The following SUGCT variants were observed in gnomAD, a reference collection of about 807,000 sequenced individuals.
The protein encoded by SUGCT is succinyl-CoA:glutarate-CoA transferase.
A neutral mutation model predicts 55.0 loss-of-function variants in SUGCT; 41 were observed. The ratio of observed to expected loss-of-function variants is 0.74; its 90% CI spans 0.58 to 0.97. The LOEUF (loss-of-function observed/expected upper bound fraction) is 0.97, where lower values mean the gene tolerates loss of function less well. Ranked by LOEUF, SUGCT falls within the 50% of genes least tolerant of loss-of-function variation. The probability of loss-of-function intolerance (pLI) is 0.00; values close to 1 mark genes in which losing one functional copy is unlikely to be tolerated. For missense variants in SUGCT, 568 were observed against 547.8 expected (o/e 1.04, Z -0.37); for synonymous variants, 187 against 200.4 (o/e 0.93, Z 0.56).
intron 1 of SUGCT, among the ~76,000 whole-genome samples, chr7:40,137,713 C>T (rs900572719): frequency 6.6e-6 from 1 of 152,076 alleles, no homozygotes; most frequent in African/African-American, 2.4e-5. Context: ...ACATGTCTTG[C>T]TCTTTCATCC....
chr7:40,702,930 T>C (rs1440924279), intron 12 of SUGCT, among the ~76,000 whole-genome samples: 1 of 152,210 alleles, frequency 6.6e-6, no homozygotes, highest in Admixed American at 6.5e-5. Context: ...TCTGTTTTTA[T>C]ATGTGACAGA....
chr7:40,159,494 C>T (rs1034080210), intron 1 of SUGCT, among the ~76,000 whole-genome samples: 1 of 152,056 alleles, frequency 6.6e-6, no homozygotes, highest in Non-Finnish European at 1.5e-5. Context: ...CCTCAGCCTC[C>T]TGAGTAGCTG....
intron 12 of SUGCT, among the ~76,000 whole-genome samples, chr7:40,620,494 T>C (rs561589441): frequency 6.6e-6 from 1 of 152,138 alleles, no homozygotes; most frequent in East Asian, 1.9e-4. Context: ...CTCTGCCTCC[T>C]GGGTTCAGGC....
intron 7 of SUGCT, among the ~76,000 whole-genome samples, chr7:40,271,099 C>T (rs1460091702): frequency 6.6e-6 from 1 of 151,924 alleles, no homozygotes; most frequent in Non-Finnish European, 1.5e-5. Context: ...TAGTGGATTC[C>T]TTAGGACTTT....
the SUGCT span, among the ~76,000 whole-genome samples, chr7:41,021,326 C>A: frequency 6.6e-6 from 1 of 152,160 alleles, no homozygotes; most frequent in East Asian, 1.9e-4. Flanking sequence ...AAAAGACTCA[C>A]AGAGAAAACA....
chr7:40,657,545 G>A (rs901305327), intron 12 of SUGCT, among the ~76,000 whole-genome samples: 2 of 151,850 alleles, frequency 1.3e-5, no homozygotes, highest in Non-Finnish European at 2.9e-5. Flanking sequence ...CTGTTGCCCG[G>A]GCTGGAGTGC....
At chr7:41,036,209 T>C in the SUGCT span, among the ~76,000 whole-genome samples, 1 of 152,174 alleles carries the variant, frequency 6.6e-6, no homozygotes, top group Non-Finnish European at 1.5e-5. Flanking sequence ...CATGGGCGAA[T>C]GACTGAATGA....
intron 13 of SUGCT, among the ~76,000 whole-genome samples, chr7:40,753,738 G>T (rs769952895): frequency 1.3e-5 from 2 of 152,082 alleles, no homozygotes; most frequent in South Asian, 2.1e-4. Flanking sequence ...CATTCCTTCA[G>T]ATGAGAGCTT....
At chr7:40,428,216 G>A (rs888632822) in intron 9 of SUGCT, among the ~76,000 whole-genome samples, 4 of 152,160 alleles carry the variant, frequency 2.6e-5, no homozygotes, top group South Asian at 2.1e-4. Context: ...GTTGACATTT[G>A]CATGAAATTC....
chr7:40,932,563 C>T, the SUGCT span, among the ~76,000 whole-genome samples: 1 of 152,052 alleles, frequency 6.6e-6, no homozygotes, highest in Non-Finnish European at 1.5e-5. Context: ...GAGTCTAAGT[C>T]TCTTTGTAGG....
intron 12 of SUGCT, among the ~76,000 whole-genome samples, chr7:40,712,111 T>C (rs1212949292): frequency 6.6e-6 from 1 of 152,250 alleles, no homozygotes; most frequent in Non-Finnish European, 1.5e-5. Flanking sequence ...TTGCCTTCTA[T>C]AGTATGTAGA....
the SUGCT span, among the ~76,000 whole-genome samples, chr7:40,936,191 C>T: frequency 6.6e-6 from 1 of 151,896 alleles, no homozygotes; most frequent in East Asian, 1.9e-4. Flanking sequence ...TAATTCACCA[C>T]TGAAGCCATT....
At chr7:40,495,135 C>A (rs1791899541) in intron 11 of SUGCT, among the ~76,000 whole-genome samples, 1 of 151,810 alleles carries the variant, frequency 6.6e-6, no homozygotes, top group African/African-American at 2.4e-5. Context: ...TGGTCTCGAA[C>A]TCCTGACCTC....
chr7:40,156,460 C>G (rs569282218), intron 1 of SUGCT, among the ~76,000 whole-genome samples: 9 of 151,980 alleles, frequency 5.9e-5, no homozygotes, highest in African/African-American at 9.7e-5. Context: ...GAGACTCTGC[C>G]TCAAAGAAAT....
At chr7:40,509,663 C>T (rs1172296370) in intron 12 of SUGCT, among the ~76,000 whole-genome samples, 2 of 152,144 alleles carry the variant, frequency 1.3e-5, no homozygotes, top group East Asian at 1.9e-4. Context: ...TGGGCTTTTT[C>T]TTTCCGTCTG....
the SUGCT span, among the ~76,000 whole-genome samples, chr7:40,898,844 A>G: frequency 6.6e-6 from 1 of 152,100 alleles, no homozygotes; most frequent in South Asian, 2.1e-4. Flanking sequence ...CCATTAGGTG[A>G]TTCATGTGAT....
At chr7:40,386,073 C>T (rs1164855118) in intron 9 of SUGCT, among the ~76,000 whole-genome samples, 1 of 152,134 alleles carries the variant, frequency 6.6e-6, no homozygotes, top group Non-Finnish European at 1.5e-5. Context: ...GTCTTGGGGA[C>T]AGAAGGATGG....
At chr7:40,858,452 A>G (rs919817656) in intron 13 of SUGCT, among the ~76,000 whole-genome samples, 6 of 151,246 alleles carry the variant, frequency 4.0e-5, no homozygotes, top group Admixed American at 6.6e-5. Context: ...TAGCTGGACT[A>G]TGATAGCTAT....
At chr7:41,013,660 C>T in the SUGCT span, among the ~76,000 whole-genome samples, 49 of 152,042 alleles carry the variant, frequency 3.2e-4, no homozygotes, top group Middle Eastern at 6.8e-3. Context: ...AGTGAATGGG[C>T]TGATTTAGGA....
Sources: allele counts gnomAD v4.1 joint callset (sites outside exome capture counted in the v4.1 genomes callset), GRCh38; gene constraint gnomAD v4.1.1; transcripts MANE v1.5; gene names NCBI Gene and HGNC (gene_info 2026-07-23, HGNC 2026-07-21).